Variants in CIT observed in about 807,000 individuals in gnomAD.
CIT encodes the protein citron rho-interacting serine/threonine kinase, also known as citron Rho-interacting kinase.
A neutral mutation model predicts 272.7 loss-of-function variants in CIT; 79 were observed. The observed-to-expected ratio is 0.29, with a 90% CI of 0.24 to 0.35. The LOEUF is 0.35. Among genes scored for constraint, CIT ranks in the 10% least tolerant of loss-of-function variants. The pLI is 1.00. For missense variants in CIT, 1,909 were observed against 2,618.3 expected (o/e 0.73, Z 5.91); for synonymous variants, 948 against 995.6 (o/e 0.95, Z 0.90).
At chr12:119,874,723 A>G (rs1026432742) in intron 2 of CIT, among the ~76,000 whole-genome samples, 1 of 152,048 alleles carries the variant, frequency 6.6e-6, no homozygotes, top group African/African-American at 2.4e-5. Flanking sequence ...CGTCTCTACT[A>G]AAAATACAAA....
intron 16 of CIT, 104 bp from the exon 17 acceptor site, chr12:119,773,014 T>TAAAAAAAAAAA (rs11437987): frequency 1.8e-6 from 1 of 557,792 alleles, no homozygotes; most frequent in Non-Finnish European, 2.5e-6. Flanking sequence ...AAGTATAATC[T>TAAAAAAAAAAA]AAAAAAAAAA....
At chr12:119,688,295 C>A (rs1315759005) in intron 47 of CIT, 40 bp from the exon 48 acceptor site, 1 of 1,600,138 alleles carries the variant, frequency 6.2e-7, no homozygotes, top group African/African-American at 1.3e-5. Context: ...CATCCGAGGC[C>A]AGAAGTTGCT....
At chr12:119,801,598 C>T (rs1036999706) in intron 10 of CIT, among the ~76,000 whole-genome samples, 2 of 152,192 alleles carry the variant, frequency 1.3e-5, no homozygotes, top group African/African-American at 2.4e-5. Context: ...ACTCTCCACA[C>T]GTCCTTCCAG....
chr12:119,844,543 G>A (rs78593345), intron 5 of CIT, among the ~76,000 whole-genome samples: 2,305 of 152,244 alleles, frequency 0.015, 46 homozygotes, highest in East Asian at 0.086. Context: ...AGGTTATTCA[G>A]AACTCTAGGT....
chr12:119,778,512 T>G (rs1185940386), intron 13 of CIT, among the ~76,000 whole-genome samples: 2 of 152,306 alleles, frequency 1.3e-5, no homozygotes, highest in African/African-American at 2.4e-5. Context: ...AAGAAATAAT[T>G]GGTGAGGAAT....
chr12:119,699,898 G>A (rs927593844), intron 44 of CIT: 19 of 456,020 alleles, frequency 4.2e-5, no homozygotes, highest in Middle Eastern at 3.2e-4. Context: ...CATTCACACA[G>A]ATACGTATGT....
Position 119,825,231 on chromosome 12 carries a change from A to T in CIT, c.891T>A (p.Ile297=). 6.2e-7 allele frequency: 1 copy of T among 1,614,120 alleles called. No homozygotes were observed. Among genetic ancestry groups the T allele is most frequent in the Non-Finnish European group, 8.5e-7 (1 of 1,180,022 alleles). The part of the protein sequence containing the change: ...WSVGVIAYEM[I]YGRSPFAEGT... ...CCTCTGCGAAGGGGGATCTCCCATA[A>T]ATCATCTCATAGGCAATCACGCCCA... The change falls in exon 8 of 48, where the codon ATT becomes ATA. Residue 297 remains isoleucine (I), a synonymous_variant. Transcript: ENST00000392521.
intron 21 of CIT, 25 bp from the exon 22 acceptor site, chr12:119,757,570 A>C: frequency 1.2e-6 from 2 of 1,613,876 alleles, no homozygotes; most frequent in Non-Finnish European, 1.7e-6. Context: ...GGGAGGATCC[A>C]AACAAAATCA....
In CIT at chr12:119,690,318, C is replaced by T. The variant is rs1955867049; in HGVS notation, c.6019G>A (p.Glu2007Lys). The T allele has an allele frequency of 1.9e-6, 3 of 1,594,996 alleles. No individual in the cohort carries two copies. Among genetic ancestry groups the T allele is most frequent in the Admixed American group, 1.7e-5 (1 of 58,672 alleles). ...TPHRYREGRT[E>K]LRRDKSPGRP... Reference sequence around the variant, plus strand: ...CCAGGAGACTTGTCCCTGCGCAGCTCGGTCCGCCCCTCGCGGTAGCGGTGG... The same window carrying T: ...CCAGGAGACTTGTCCCTGCGCAGCTTGGTCCGCCCCTCGCGGTAGCGGTGG... The change falls in exon 47 of 48, where the codon GAG (glutamate) becomes AAG (lysine). Residue 2007 changes from glutamate (E) to lysine (K), a missense_variant. This residue lies in a region of CIT where 780 missense variants were observed against 1,067.2 expected (regional missense o/e 0.73). Transcript: ENST00000392521. The surrounding 1 kb of genome is among the most constrained non-coding windows in gnomAD (Gnocchi z 6.0).
chr12:119,812,666 C>A (rs780559984), intron 9 of CIT, among the ~76,000 whole-genome samples: 1 of 151,880 alleles, frequency 6.6e-6, no homozygotes, highest in Non-Finnish European at 1.5e-5. Context: ...CCAGGCTAGT[C>A]TCAAACTCCT....
chr12:119,846,063 A>G (rs1302325432), intron 5 of CIT, among the ~76,000 whole-genome samples: 3 of 152,174 alleles, frequency 2.0e-5, no homozygotes, highest in African/African-American at 4.8e-5. Context: ...AGAAATTATC[A>G]AAGTGCCCAG....
rs530150747 is a variant in CIT, at chr12:119,852,403, G to A, written c.415-2128C>T. 1.1e-3 allele frequency among the ~76,000 whole-genome samples: 168 copies of A among 152,172 alleles called. 2 individuals carry two copies. The highest frequency in any genetic ancestry group is 3.9e-3 in the African/African-American group (163 of 41,518). On this transcript the variant is annotated intron_variant, in intron 4 of 47. Transcript: ENST00000392521. ...AAGTGTCACGTGTGATCCTCAACTC[G>A]ATCGTTTTATTCTAAAAGACATTAT...
rs113265523 is a variant in CIT, at chr12:119,818,743, C to A, written c.1111+4077G>T. Reference sequence around the variant, plus strand: ...GCAACAGACCATCCGAGTTCTCTAGCGCATTAGCCATAATGTCCTAGGAAA... The same window carrying A: ...GCAACAGACCATCCGAGTTCTCTAGAGCATTAGCCATAATGTCCTAGGAAA... On this transcript the variant is annotated intron_variant, in intron 9 of 47. Transcript: ENST00000392521. 9.9e-5 allele frequency among the ~76,000 whole-genome samples: 15 copies of A among 152,284 alleles called. No homozygotes were observed. In the East Asian group the frequency reaches 2.5e-3, roughly 25 times the overall value.
At chr12:119,840,407 A>G (rs1969330545) in intron 5 of CIT, among the ~76,000 whole-genome samples, 1 of 152,332 alleles carries the variant, frequency 6.6e-6, no homozygotes, top group Non-Finnish European at 1.5e-5. Context: ...AAGCTGGGAC[A>G]ACATAACTGA....
rs1962759623 is a variant in CIT, at chr12:119,768,790, G to A, written c.2209-1608C>T. Among the ~76,000 whole-genome samples the A allele has an allele frequency of 6.6e-6, 1 of 152,196 alleles. No individual in the cohort carries two copies. The highest frequency in any genetic ancestry group is 1.5e-5 in the Non-Finnish European group (1 of 68,046). On this transcript the variant is annotated intron_variant, in intron 18 of 47. Transcript: ENST00000392521. The surrounding 1 kb of genome is among the most constrained non-coding windows in gnomAD (Gnocchi z 4.3). ...GGCCAAGGACTCTACTGTACTGACTGTACCATTATCTGTTTTGAAAGTTCT... is the reference window on the plus strand; with the variant it reads ...GGCCAAGGACTCTACTGTACTGACTATACCATTATCTGTTTTGAAAGTTCT...
At chr12:119,802,003 C>A (rs909850746) in intron 10 of CIT, among the ~76,000 whole-genome samples, 2 of 152,210 alleles carry the variant, frequency 1.3e-5, no homozygotes, top group Non-Finnish European at 2.9e-5. Flanking sequence ...CAATTCCCCA[C>A]AACACTCTGA....
chr12:119,795,582 T>C (rs1481559255), intron 10 of CIT, among the ~76,000 whole-genome samples: 8 of 152,160 alleles, frequency 5.3e-5, no homozygotes, highest in Admixed American at 5.2e-4. Context: ...TAGATTCTCA[T>C]TAAAACCAAT....
intron 13 of CIT, among the ~76,000 whole-genome samples, chr12:119,777,558 T>C (rs1963884919): frequency 6.7e-6 from 1 of 150,286 alleles, no homozygotes; most frequent in African/African-American, 2.5e-5. Flanking sequence ...TAATCCCAGC[T>C]AGTCAGGAGG....
intron 30 of CIT, chr12:119,719,070 T>C: frequency 1.9e-6 from 1 of 540,454 alleles, no homozygotes; most frequent in African/African-American, 1.9e-5. Flanking sequence ...GGTGCGGAAG[T>C]TTTCACCAAG....
Sources: allele counts gnomAD v4.1 joint callset (sites outside exome capture counted in the v4.1 genomes callset), GRCh38; gene constraint gnomAD v4.1.1; regional missense constraint gnomAD v4.1.1; non-coding constraint Gnocchi (gnomAD v3.1); transcripts MANE v1.5; gene names NCBI Gene and HGNC (gene_info 2026-07-23, HGNC 2026-07-21).